Variants in LIN28B observed in about 807,000 individuals in gnomAD.
The protein encoded by LIN28B is protein lin-28 homolog B.
LIN28B carries 5 observed loss-of-function variants against 21.9 expected under a neutral mutation model. The ratio of observed to expected loss-of-function variants is 0.23; its 90% CI spans 0.12 to 0.48. The LOEUF (loss-of-function observed/expected upper bound fraction) is 0.48, where lower values mean the gene tolerates loss of function less well. Ranked by LOEUF, LIN28B falls within the 20% of genes least tolerant of loss-of-function variation. The probability of loss-of-function intolerance (pLI) is 0.98; values close to 1 mark genes in which losing one functional copy is unlikely to be tolerated. For synonymous variants in LIN28B, 109 were observed against 111.3 expected (o/e 0.98, Z 0.13); for missense variants, 245 against 310.5 (o/e 0.79, Z 1.58).
intron 3 of LIN28B, 90 bp from the exon 4 acceptor site, chr6:105,078,324 A>G (rs1772474830): frequency 1.7e-6 from 2 of 1,164,520 alleles, no homozygotes; most frequent in South Asian, 2.9e-5. Context: ...AGCTTATCTC[A>G]TTGGTAGTTT....
At chr6:104,993,822 C>T (rs937138654) in intron 2 of LIN28B, among the ~76,000 whole-genome samples, 7 of 132,088 alleles carry the variant, frequency 5.3e-5, no homozygotes, top group Non-Finnish European at 7.7e-5. Context: ...GATGACAGAG[C>T]GAGATTGTCT....
chr6:105,011,706 C>T (rs1337922895), intron 2 of LIN28B, among the ~76,000 whole-genome samples: 2 of 151,282 alleles, frequency 1.3e-5, no homozygotes, highest in African/African-American at 4.9e-5. Flanking sequence ...AAAAATTAGC[C>T]GGGCATGGTG....
chr6:104,944,236 A>C (rs567256058), intron 2 of LIN28B, among the ~76,000 whole-genome samples: 3 of 152,270 alleles, frequency 2.0e-5, no homozygotes, highest in Admixed American at 6.5e-5. Context: ...GATTTTGAAT[A>C]ATGTCAGTAA....
At chr6:104,951,252 A>G (rs944041511) in intron 3 of LIN28B, among the ~76,000 whole-genome samples, 2 of 152,178 alleles carry the variant, frequency 1.3e-5, no homozygotes, top group East Asian at 1.9e-4. Flanking sequence ...TGCAAAGTAT[A>G]TGAATATTAA....
intron 2 of LIN28B, among the ~76,000 whole-genome samples, chr6:104,992,872 A>T (rs1770524507): frequency 6.6e-6 from 1 of 151,778 alleles, no homozygotes. Context: ...TTTTCTCAAA[A>T]TTTTTTTTAG....
At chr6:104,961,844 T>C (rs140191259) in intron 2 of LIN28B, among the ~76,000 whole-genome samples, 8 of 152,340 alleles carry the variant, frequency 5.3e-5, no homozygotes, top group African/African-American at 1.7e-4. Flanking sequence ...ACCTGGAAAA[T>C]GTTACTGGCA....
chr6:105,076,284 T>G (rs970398762), intron 3 of LIN28B, among the ~76,000 whole-genome samples: 1 of 152,168 alleles, frequency 6.6e-6, no homozygotes, highest in Non-Finnish European at 1.5e-5. Flanking sequence ...AAATACTTGT[T>G]AATCATTGCA....
rs779315434 is a variant in LIN28B, at chr6:104,957,241, G to A, written c.-10G>A. The stretch of plus-strand genomic sequence containing the variant: ...CTCACGAGTTTGGAGCTGAGGGCCC[G>A]TGGGGCAACATGGCCGAAGGTTAAT... On this transcript the variant is annotated 5_prime_UTR_variant, in exon 1 of 4. The change creates a new upstream start codon in the 5' untranslated region. Coordinates refer to ENST00000345080, the MANE Select transcript of LIN28B (RefSeq NM_001004317.4). The A allele has an allele frequency of 2.5e-5, 41 of 1,612,720 alleles. No homozygotes were observed. Among genetic ancestry groups the A allele is most frequent in the Non-Finnish European group, 2.9e-5 (34 of 1,179,072 alleles).
rs1254590605 is a variant in LIN28B at position 105,062,665 on chromosome 6, A to G, written c.384-15749A>G. On this transcript the variant is annotated intron_variant, in intron 3 of 3. Coordinates refer to ENST00000345080, the MANE Select transcript of LIN28B (RefSeq NM_001004317.4). ...GCATGAATGATCCTGGAACATACCT[A>G]TTTTGGAAATACTGATTCAGTTTTC... 2.0e-5 allele frequency among the ~76,000 whole-genome samples: 3 copies of G among 152,038 alleles called. No individual in the cohort carries two copies. In the East Asian group the frequency reaches 5.8e-4, roughly 30 times the overall value.
chr6:105,038,136 G>A (rs1398748486), intron 3 of LIN28B, among the ~76,000 whole-genome samples: 6 of 152,240 alleles, frequency 3.9e-5, no homozygotes, highest in Admixed American at 2.0e-4. Context: ...CTTCTACCAG[G>A]CAAAGGTTTC....
chr6:105,054,132 G>GT (rs1218293419), intron 3 of LIN28B, among the ~76,000 whole-genome samples: 62 of 152,292 alleles, frequency 4.1e-4, no homozygotes, highest in African/African-American at 1.4e-3. Context: ...ATTAGTGTGT[G>GT]TTTTTTAAAA....
intron 2 of LIN28B, among the ~76,000 whole-genome samples, chr6:104,990,569 ATTT>A (rs71003465): frequency 7.0e-6 from 1 of 142,714 alleles, no homozygotes; most frequent in Admixed American, 7.0e-5. Flanking sequence ...TTTATTTTTT[ATTT>A]TTTTTTTTTT....
At chr6:105,053,985 C>G (rs1277155339) in intron 3 of LIN28B, among the ~76,000 whole-genome samples, 1 of 152,074 alleles carries the variant, frequency 6.6e-6, no homozygotes, top group Admixed American at 6.5e-5. Flanking sequence ...CTCAGGTGAT[C>G]CACCTGCCTC....
intron 2 of LIN28B, among the ~76,000 whole-genome samples, chr6:104,974,809 A>AATT (rs201450160): frequency 0.032 from 4,826 of 151,144 alleles, 269 homozygotes; most frequent in African/African-American, 0.11. Flanking sequence ...GGATATTTTG[A>AATT]ATTATTATTA....
At chr6:104,996,752 TC>T (rs1314564694) in intron 2 of LIN28B, among the ~76,000 whole-genome samples, 2 of 152,170 alleles carry the variant, frequency 1.3e-5, no homozygotes, top group Non-Finnish European at 2.9e-5. Context: ...TGGACAAAAC[TC>T]CCCCTTAATT....
In LIN28B at chr6:105,055,919, C is replaced by CTTT. The variant is rs71006633; in HGVS notation, c.384-22476_384-22474dup. 5.4e-4 allele frequency among the ~76,000 whole-genome samples: 45 copies of CTTT among 83,378 alleles called. 1 individual carries two copies. Among genetic ancestry groups the CTTT allele is most frequent in the Non-Finnish European group, 6.5e-4 (30 of 45,982 alleles). The allele number at this position is 83,378 out of a possible 152,430, so 54.7% of individuals were successfully genotyped here. ...AGTATGTGCACGCCACCATGCCTGG[C>CTTT]TTTTTTTTTTTTTTTTTTTTTGGGT... On this transcript the variant is annotated intron_variant, in intron 3 of 3. Coordinates refer to ENST00000345080, the MANE Select transcript of LIN28B (RefSeq NM_001004317.4).
At chr6:104,983,593 G>T (rs1196211999) in intron 2 of LIN28B, among the ~76,000 whole-genome samples, 2 of 151,948 alleles carry the variant, frequency 1.3e-5, no homozygotes, top group Non-Finnish European at 2.9e-5. Context: ...TTTTTGTTTT[G>T]GAGACGGAGT....
chr6:105,030,383 A>G (rs1771394099), intron 3 of LIN28B, among the ~76,000 whole-genome samples: 1 of 152,140 alleles, frequency 6.6e-6, no homozygotes, highest in Non-Finnish European at 1.5e-5. Context: ...GATTTCTTTC[A>G]TGGTTATTTC....
chr6:105,053,714 C>CATGTGTGTGTGTGTGTGTGTGT lies in LIN28B; in HGVS notation c.384-24700_384-24699insATGTGTGTGTGTGTGTGTGTGT, dbSNP rs61525783. Among the ~76,000 whole-genome samples, 25 of 147,388 alleles carry CATGTGTGTGTGTGTGTGTGTGT rather than the reference C, an allele frequency of 1.7e-4. 1 individual carries two copies. The highest frequency in any genetic ancestry group is 5.8e-4 in the African/African-American group (23 of 39,552). On this transcript the variant is annotated intron_variant, in intron 3 of 3. Coordinates refer to ENST00000345080, the MANE Select transcript of LIN28B (RefSeq NM_001004317.4). ...TGTTTGTATGGTGTGTGTGTGGGTGCGTGTGTGTGTGTGTGTGTGTGTGTG... is the reference window on the plus strand; with the variant it reads ...TGTTTGTATGGTGTGTGTGTGGGTGCATGTGTGTGTGTGTGTGTGTGTGTGTGTGTGTGTGTGTGTGTGTGTG...
Sources: gnomAD v4.1 joint callset for allele counts (sites outside exome capture counted in the v4.1 genomes callset) on GRCh38, gnomAD v4.1.1 for gene constraint, MANE v1.5 for transcripts, NCBI Gene and HGNC (gene_info 2026-07-23, HGNC 2026-07-21) for gene names.